Variants in HECW1 observed in about 807,000 individuals in gnomAD.
The protein encoded by HECW1 is E3 ubiquitin-protein ligase HECW1.
HECW1 carries 61 observed loss-of-function variants against 182.3 expected under a neutral mutation model. The ratio of observed to expected loss-of-function variants is 0.33; its 90% CI spans 0.27 to 0.41. The LOEUF is 0.41. HECW1 is among the 10% of genes least tolerant of loss of function. HECW1 has a pLI of 1.00. For synonymous variants in HECW1, 859 were observed against 832.6 expected, an observed-to-expected ratio of 1.03 and a Z score of -0.55; for missense variants, 1,739 against 2,108.9, an observed-to-expected ratio of 0.82 and a Z score of 3.44.
intron 7 of HECW1, among the ~76,000 whole-genome samples, chr7:43,400,489 T>C (rs2075369910): frequency 6.6e-6 from 1 of 152,102 alleles, no homozygotes; most frequent in Non-Finnish European, 1.5e-5. Flanking sequence ...GAGAAAATAC[T>C]CTACCCTATT....
intron 4 of HECW1, among the ~76,000 whole-genome samples, chr7:43,319,408 A>G (rs1247238507): frequency 7.3e-6 from 1 of 136,360 alleles, no homozygotes; most frequent in East Asian, 2.0e-4. Context: ...AAAAAAAAAA[A>G]AGAGAGAACA....
intron 3 of HECW1, among the ~76,000 whole-genome samples, chr7:43,303,389 GA>G (rs1237610517): frequency 6.7e-6 from 1 of 148,860 alleles, no homozygotes; most frequent in Non-Finnish European, 1.5e-5. Flanking sequence ...AGTGGGAGGG[GA>G]TGTTCAACCT....
chr7:43,200,633 C>T (rs544566642), intron 2 of HECW1, among the ~76,000 whole-genome samples: 40 of 152,070 alleles, frequency 2.6e-4, no homozygotes, highest in Non-Finnish European at 5.2e-4. Flanking sequence ...TCTTGTCTGA[C>T]GAAATAAAGC....
intron 3 of HECW1, among the ~76,000 whole-genome samples, chr7:43,267,786 T>C (rs561945809): frequency 2.0e-5 from 3 of 152,222 alleles, no homozygotes; most frequent in African/African-American, 7.2e-5. Context: ...TAGAAATTTT[T>C]ATGTTCAGAA....
chr7:43,509,233 T>C (rs74368380), intron 24 of HECW1, 112 bp downstream of exon 24: 228,715 of 990,626 alleles, frequency 0.23, 28,015 homozygotes, highest in Middle Eastern at 0.3. Context: ...CCAGATGTTA[T>C]GAGGGATGAG....
intron 4 of HECW1, among the ~76,000 whole-genome samples, chr7:43,317,416 A>T (rs1809463098): frequency 1.3e-5 from 2 of 152,254 alleles, no homozygotes; most frequent in South Asian, 4.1e-4. Flanking sequence ...CAAAGGCATC[A>T]GCCTCGTTGG....
At chr7:43,202,214 T>A (rs1795072115) in intron 2 of HECW1, among the ~76,000 whole-genome samples, 1 of 152,084 alleles carries the variant, frequency 6.6e-6, no homozygotes, top group African/African-American at 2.4e-5. Flanking sequence ...GAACACAGAG[T>A]CTTGTACTAG....
chr7:43,492,148 G>A lies in HECW1; in HGVS notation c.3308G>A (p.Arg1103Gln), dbSNP rs1478680908. 7 of 1,601,600 alleles carry A rather than the reference G, an allele frequency of 4.4e-6. No homozygotes were observed. The highest frequency in any genetic ancestry group is 1.1e-5 in the South Asian group (1 of 88,250). ...RPGHSLVAAIRSQHQHESLPL... is the reference protein window; with the variant it reads ...RPGHSLVAAIQSQHQHESLPL... The stretch of plus-strand genomic sequence containing the variant: ...GGACACAGCTTAGTAGCTGCTATTC[G>A]AAGCCAACATCAACATGAGTCATTG... The change falls in exon 18 of 30, where the codon CGA (arginine) becomes CAA (glutamine). Residue 1103 changes from arginine to glutamine, a missense_variant. Around this residue, in one of 5 missense-constraint regions of HECW1, gnomAD observed 971 missense variants for 1,029.1 expected, o/e 0.94. Transcript: ENST00000395891.
Position 43,444,856 on chromosome 7 carries a change from C to T in HECW1, c.1684C>T (p.Arg562Cys). Reference protein sequence around the residue: ...DPETPRTHYIRIHTLLHSMPS... With the variant: ...DPETPRTHYICIHTLLHSMPS... ...CGAGACCCCGCGGACACACTACATC[C>T]GCATCCACACCCTGCTGCACAGCAT... is the stretch of plus-strand genomic sequence containing the variant. The change falls in exon 11 of 30, where the codon CGC becomes TGC. Residue 562 changes from arginine (R) to cysteine (C), a missense_variant. Around this residue, in one of 5 missense-constraint regions of HECW1, gnomAD observed 971 missense variants for 1,029.1 expected, o/e 0.94. Coordinates refer to ENST00000395891, the MANE Select transcript of HECW1 (RefSeq NM_015052.5). The surrounding 1 kb of genome is among the most constrained non-coding windows in gnomAD (Gnocchi z 4.3). The T allele has an allele frequency of 1.2e-6, 2 of 1,613,040 alleles. No individual in the cohort carries two copies. Among genetic ancestry groups the T allele is most frequent in the South Asian group, 2.2e-5 (2 of 90,960 alleles).
At chr7:43,264,747 G>C (rs769543276) in intron 3 of HECW1, among the ~76,000 whole-genome samples, 2 of 151,748 alleles carry the variant, frequency 1.3e-5, no homozygotes, top group Non-Finnish European at 2.9e-5. Flanking sequence ...CGGTGGCTGA[G>C]GCAGGAGAAT....
intron 6 of HECW1, among the ~76,000 whole-genome samples, chr7:43,393,026 A>G (rs146954604): frequency 1.1e-3 from 163 of 152,318 alleles, no homozygotes; most frequent in African/African-American, 3.8e-3. Flanking sequence ...AAAGCTCTTA[A>G]TTTAACTCCA....
At chr7:43,453,176 G>C (rs1321934133) in intron 12 of HECW1, among the ~76,000 whole-genome samples, 1 of 152,136 alleles carries the variant, frequency 6.6e-6, no homozygotes, top group Non-Finnish European at 1.5e-5. Flanking sequence ...GGAATAAATT[G>C]GGAAGAGGAA....
rs140158082 is a variant in HECW1, at chr7:43,253,351, G to A, written c.27+9419G>A. Among the ~76,000 whole-genome samples the A allele has an allele frequency of 1.5e-3, 228 of 152,278 alleles. 1 individual carries two copies. Among genetic ancestry groups the A allele is most frequent in the African/African-American group, 5.2e-3 (217 of 41,554 alleles). On this transcript the variant is annotated intron_variant, in intron 3 of 29. Coordinates refer to ENST00000395891, the MANE Select transcript of HECW1 (RefSeq NM_015052.5). ...ACTTGTTGGTAGTGATGATGACGGTGATGACCATGGTGGTGGTGATGGCGA... is the reference window on the plus strand; with the variant it reads ...ACTTGTTGGTAGTGATGATGACGGTAATGACCATGGTGGTGGTGATGGCGA...
chr7:43,347,451 C>T (rs1001654401), intron 5 of HECW1, among the ~76,000 whole-genome samples: 19 of 152,128 alleles, frequency 1.2e-4, no homozygotes, highest in South Asian at 6.2e-4. Context: ...TCAAGGTAAA[C>T]GATCATATCA....
intron 5 of HECW1, among the ~76,000 whole-genome samples, chr7:43,360,215 CT>C (rs5883864): frequency 3.5e-3 from 502 of 141,734 alleles, no homozygotes; most frequent in Non-Finnish European, 3.3e-3. Flanking sequence ...ATAGAACTTT[CT>C]TTTTTTTTTT....
intron 2 of HECW1, chr7:43,239,864 C>G (rs1461543080): frequency 6.6e-6 from 1 of 152,136 alleles, no homozygotes; most frequent in Non-Finnish European, 1.5e-5. Flanking sequence ...GAAGGCGGCA[C>G]ACTGGCTGGG....
At chr7:43,198,725 ACT>A (rs140743343) in intron 2 of HECW1, among the ~76,000 whole-genome samples, 15,045 of 147,304 alleles carry the variant, frequency 0.1, 817 homozygotes, top group East Asian at 0.15. Flanking sequence ...AGATTTGCAC[ACT>A]CTCACACCCC....
intron 6 of HECW1, among the ~76,000 whole-genome samples, chr7:43,384,771 G>GCT: frequency 6.6e-6 from 1 of 152,240 alleles, no homozygotes; most frequent in South Asian, 2.1e-4. Flanking sequence ...CCGTGAGAGG[G>GCT]AGTGGGTGGC....
At chr7:43,300,407 C>T (rs755511727) in intron 3 of HECW1, among the ~76,000 whole-genome samples, 1 of 152,182 alleles carries the variant, frequency 6.6e-6, no homozygotes, top group South Asian at 2.1e-4. Context: ...TGGGAAGGAA[C>T]GTGCTACCTG....
Sources: allele counts gnomAD v4.1 joint callset (sites outside exome capture counted in the v4.1 genomes callset), GRCh38; gene constraint gnomAD v4.1.1; regional missense constraint gnomAD v4.1.1; non-coding constraint Gnocchi (gnomAD v3.1); transcripts MANE v1.5; gene names NCBI Gene and HGNC (gene_info 2026-07-23, HGNC 2026-07-21).